The following SLC45A4 variants were observed in gnomAD, a reference collection of about 807,000 sequenced individuals.
SLC45A4 encodes polyamine-transporter SLC45A4.
In SLC45A4, 32 loss-of-function variants were observed where a neutral mutation model predicts 63.7. That is an observed-to-expected ratio of 0.50 (90% confidence interval 0.38 to 0.67). The LOEUF (loss-of-function observed/expected upper bound fraction) is 0.67, where lower values mean the gene tolerates loss of function less well. SLC45A4 is among the 30% of genes least tolerant of loss of function. The pLI is 0.00. For synonymous variants in SLC45A4, 535 were observed against 510.0 expected (o/e 1.05, Z -0.66); for missense variants, 1,027 against 1,157.7 (o/e 0.89, Z 1.64).
In SLC45A4 at chr8:141,244,968, G is replaced by GGGGGGGGGGGGGGGGGGGGGGGGGGGGC. The variant is rs1569558620; in HGVS notation, c.241+9020_241+9021insGCCCCCCCCCCCCCCCCCCCCCCCCCCC. Among the ~76,000 whole-genome samples, 5 of 71,834 alleles carry GGGGGGGGGGGGGGGGGGGGGGGGGGGGC rather than the reference G, an allele frequency of 7.0e-5. 2 individuals are homozygous for GGGGGGGGGGGGGGGGGGGGGGGGGGGGC. The highest frequency in any genetic ancestry group is 1.3e-4 in the Admixed American group (1 of 7,826). 47.1% of individuals were successfully genotyped at this position (71,834 alleles called of 152,430 possible). On this transcript the variant is annotated intron_variant, in intron 2 of 8. Coordinates refer to ENST00000517878, the MANE Select transcript of SLC45A4 (RefSeq NM_001286646.2). ...CAAGAAGACGTGGGTGGGGGGGGGG[G>GGGGGGGGGGGGGGGGGGGGGGGGGGGGC]GCGGTGTGGAGGTGGAGGCTGGGCT...
At chr8:141,253,609 G>A (rs1569558822) in intron 2 of SLC45A4, among the ~76,000 whole-genome samples, 1 of 152,184 alleles carries the variant, frequency 6.6e-6, no homozygotes, top group Non-Finnish European at 1.5e-5. Flanking sequence ...TCGCCTGCAT[G>A]ACACAGCCAG....
rs1828656749 is a variant in SLC45A4, at chr8:141,254,117, G to C, written c.113C>G (p.Thr38Ser). Residue 38 changes from threonine to serine, a missense_variant, in exon 2 of 9, where the codon ACC (threonine) becomes AGC (serine). Physicochemically the swap from Thr to Ser is moderately conservative, Grantham distance 58. Transcript: ENST00000517878. The surrounding 1 kb of genome is among the most constrained non-coding windows in gnomAD (Gnocchi z 4.5). ...TCGGTCTATGGACCCCTCGCTGATG[G>C]TCTCGCAGTTCTCGGCCTCTGCGCC... ...AGGAEAENCE[T>S]ISEGSIDRIP... 1 of 1,536,070 alleles carries C rather than the reference G, an allele frequency of 6.5e-7. No individual in the cohort carries two copies. The highest frequency in any genetic ancestry group is 8.7e-7 in the Non-Finnish European group (1 of 1,146,926).
chr8:141,293,537 G>C (rs1830432980), intron 1 of SLC45A4, among the ~76,000 whole-genome samples: 1 of 152,250 alleles, frequency 6.6e-6, no homozygotes, highest in Admixed American at 6.5e-5. Flanking sequence ...ACTGAAGACA[G>C]TGTGGCAATG....
chr8:141,223,021 C>T (rs952605425), intron 2 of SLC45A4, among the ~76,000 whole-genome samples: 16 of 152,196 alleles, frequency 1.1e-4, no homozygotes, highest in Non-Finnish European at 2.2e-4. Context: ...GCTCATCTGG[C>T]TAACATTGTA....
chr8:141,211,461 C>G lies in SLC45A4; in HGVS notation c.*111G>C. The G allele has an allele frequency of 6.3e-7, 1 of 1,592,342 alleles. No individual in the cohort carries two copies. Among genetic ancestry groups the G allele is most frequent in the Non-Finnish European group, 8.6e-7 (1 of 1,169,130 alleles). The stretch of plus-strand genomic sequence containing the variant: ...TGCAAATCACTGTCTTCTGCCCAGG[C>G]CCCCCGGACCAGCCTCCTCCCAGCT... On this transcript the variant is annotated 3_prime_UTR_variant, in exon 9 of 9. Coordinates refer to ENST00000517878, the MANE Select transcript of SLC45A4 (RefSeq NM_001286646.2).
chr8:141,280,587 C>T (rs62524185), intron 1 of SLC45A4, among the ~76,000 whole-genome samples: 2 of 152,198 alleles, frequency 1.3e-5, no homozygotes, highest in Admixed American at 6.5e-5. Flanking sequence ...CTCGGGGCCC[C>T]TGCTATCAGC....
intron 1 of SLC45A4, among the ~76,000 whole-genome samples, chr8:141,302,064 T>C (rs560520187): frequency 2.6e-5 from 4 of 152,132 alleles, no homozygotes; most frequent in Non-Finnish European, 5.9e-5. Flanking sequence ...TAAGAACAAT[T>C]TGTTCATTTT....
chr8:141,269,548 G>C lies in SLC45A4; in HGVS notation c.-400-14919C>G, dbSNP rs1829429118. On this transcript the variant is annotated intron_variant, in intron 1 of 8. Transcript: ENST00000517878. ...TCTGCCTATGTGGGTGTGTGTGTGGGTGTGTCTGTGTGTCAATGTCTGCCT... is the reference window on the plus strand; with the variant it reads ...TCTGCCTATGTGGGTGTGTGTGTGGCTGTGTCTGTGTGTCAATGTCTGCCT... Among the ~76,000 whole-genome samples, 4 of 151,336 alleles carry C rather than the reference G, an allele frequency of 2.6e-5. No homozygotes were observed. In the South Asian group the frequency reaches 6.3e-4, roughly 24 times the overall value.
intron 2 of SLC45A4, among the ~76,000 whole-genome samples, chr8:141,232,970 G>T (rs1050727400): frequency 1.3e-5 from 2 of 152,244 alleles, no homozygotes; most frequent in African/African-American, 4.8e-5. Context: ...TCGCTGAACA[G>T]GAGTGGAGAG....
At chr8:141,230,562 A>T (rs905234435) in intron 2 of SLC45A4, among the ~76,000 whole-genome samples, 2 of 152,076 alleles carry the variant, frequency 1.3e-5, no homozygotes, top group African/African-American at 4.8e-5. Context: ...GCAGCGGGGG[A>T]GGTAGGGCCC....
chr8:141,292,076 C>T (rs76878920), intron 1 of SLC45A4, among the ~76,000 whole-genome samples: 2 of 152,230 alleles, frequency 1.3e-5, no homozygotes, highest in African/African-American at 4.8e-5. Context: ...TTAGGTATCA[C>T]AGCACAGAGA....
At chr8:141,286,510 G>C (rs780158473) in intron 1 of SLC45A4, among the ~76,000 whole-genome samples, 5 of 152,182 alleles carry the variant, frequency 3.3e-5, no homozygotes, top group Non-Finnish European at 5.9e-5. Flanking sequence ...GATGAGGGCA[G>C]GTGCAAATCG....
chr8:141,265,448 GA>G (rs1829229042), intron 1 of SLC45A4, among the ~76,000 whole-genome samples: 1 of 152,256 alleles, frequency 6.6e-6, no homozygotes, highest in Non-Finnish European at 1.5e-5. Context: ...GGGGCAATCA[GA>G]TACCATAAAA....
chr8:141,239,580 A>G (rs1391825832), intron 2 of SLC45A4, among the ~76,000 whole-genome samples: 3 of 144,620 alleles, frequency 2.1e-5, no homozygotes, highest in East Asian at 4.4e-4. Flanking sequence ...CAAAGCACAC[A>G]CACACACACA....
intron 2 of SLC45A4, among the ~76,000 whole-genome samples, chr8:141,245,078 ACC>A (rs1828118595): frequency 6.6e-6 from 1 of 151,834 alleles, no homozygotes; most frequent in Non-Finnish European, 1.5e-5. Context: ...TCGACAAGTT[ACC>A]ACCAAGGCTG....
chr8:141,263,374 AT>A (rs1239491927), intron 1 of SLC45A4, among the ~76,000 whole-genome samples: 7 of 149,662 alleles, frequency 4.7e-5, no homozygotes, highest in African/African-American at 1.0e-4. Flanking sequence ...TAATAATAAA[AT>A]TTTAAAAAAA....
chr8:141,279,379 C>A (rs1248926587), intron 1 of SLC45A4, among the ~76,000 whole-genome samples: 1 of 152,252 alleles, frequency 6.6e-6, no homozygotes, highest in African/African-American at 2.4e-5. Context: ...TTTGAAGGAG[C>A]AAGTCGGCTA....
Position 141,256,454 on chromosome 8 carries a change from C to G in SLC45A4, c.-400-1825G>C, listed in dbSNP as rs754430533. The G allele has an allele frequency of 2.3e-6, 1 of 434,960 alleles. No homozygotes were observed. The highest frequency in any genetic ancestry group is 1.6e-5 in the South Asian group (1 of 63,328). 26.9% of individuals were successfully genotyped at this position (434,960 alleles called of 1,614,324 possible). On this transcript the variant is annotated intron_variant, in intron 1 of 8. Coordinates refer to ENST00000517878, the MANE Select transcript of SLC45A4 (RefSeq NM_001286646.2). This position sits in a 1 kb window ranked among gnomAD's most constrained non-coding sequence, Gnocchi z 4.3. ...CTTTCTCCCCAGAGGAGACCAGAAA[C>G]CTCGAGGTGCTGTCTTCACTCGGCT...
At chr8:141,255,227 G>A (rs554539862) in intron 1 of SLC45A4, among the ~76,000 whole-genome samples, 54 of 152,006 alleles carry the variant, frequency 3.6e-4, no homozygotes, top group East Asian at 1.3e-3. Context: ...GAGTAGCTGC[G>A]ACTACAGGCA....
Sources: gnomAD v4.1 joint callset for allele counts (sites outside exome capture counted in the v4.1 genomes callset) on GRCh38, gnomAD v4.1.1 for gene constraint, Gnocchi (gnomAD v3.1) non-coding constraint, MANE v1.5 for transcripts, NCBI Gene and HGNC (gene_info 2026-07-23, HGNC 2026-07-21) for gene names.